Variants in PTPRN2 observed in about 807,000 individuals in gnomAD.
The protein encoded by PTPRN2 is receptor-type tyrosine-protein phosphatase N2.
Under a neutral mutation model 118.8 loss-of-function variants are expected in PTPRN2, and 74 were observed. The ratio of observed to expected loss-of-function variants is 0.62; its 90% CI spans 0.52 to 0.76. The LOEUF (loss-of-function observed/expected upper bound fraction) is 0.76, where lower values mean the gene tolerates loss of function less well. PTPRN2 is among the 30% of genes least tolerant of loss of function. PTPRN2 has a pLI of 0.00. For synonymous variants in PTPRN2, 641 were observed against 608.0 expected (o/e 1.05, Z -0.80); for missense variants, 1,481 against 1,394.4 (o/e 1.06, Z -0.99).
At chr7:158,215,686 A>G (rs570768787) in intron 3 of PTPRN2, among the ~76,000 whole-genome samples, 1 of 152,330 alleles carries the variant, frequency 6.6e-6, no homozygotes, top group African/African-American at 2.4e-5. Flanking sequence ...ATCAGAAACA[A>G]TGGAGGCCAC....
chr7:158,458,102 G>T (rs76569279), intron 2 of PTPRN2, among the ~76,000 whole-genome samples: 1 of 152,146 alleles, frequency 6.6e-6, no homozygotes, highest in African/African-American at 2.4e-5. Context: ...TCCATTATGC[G>T]TCCCTCAGTG....
At chr7:158,276,238 TCCCGGTCCTGGTAGCACCCCCACAC>T (rs1798961135) in intron 3 of PTPRN2, among the ~76,000 whole-genome samples, 1 of 22,762 alleles carries the variant, frequency 4.4e-5, no homozygotes, top group African/African-American at 1.1e-4. Flanking sequence ...CACCCCCACA[TCCCGGTCCTGGTAGCACCCCCACAC>T]TCTGGCCCCA....
rs1796535123 is a variant in PTPRN2, at chr7:157,673,914, A to G, written c.2001+8811T>C. 2.6e-5 allele frequency among the ~76,000 whole-genome samples: 4 copies of G among 151,622 alleles called. 1 individual carries two copies. In the South Asian group the frequency reaches 8.4e-4, roughly 32 times the overall value. ...TCCTTCACAAAGGCAGACTGGGCCG[A>G]CTCTGATGTAAGATCAAGTTCTCTG... On this transcript the variant is annotated intron_variant, in intron 13 of 22. Coordinates refer to ENST00000389418, the MANE Select transcript of PTPRN2 (RefSeq NM_002847.5).
intron 11 of PTPRN2, among the ~76,000 whole-genome samples, chr7:158,053,822 CCA>C (rs1052811405): frequency 6.7e-6 from 1 of 149,818 alleles, no homozygotes; most frequent in African/African-American, 2.5e-5. Flanking sequence ...GGCAGAGACC[CCA>C]GAGATGCAGA....
At chr7:157,565,014 A>G (rs1386576004) in intron 21 of PTPRN2, among the ~76,000 whole-genome samples, 3 of 152,276 alleles carry the variant, frequency 2.0e-5, no homozygotes, top group African/African-American at 7.2e-5. Flanking sequence ...GACACAGGCC[A>G]ACCTCGAAGG....
intron 12 of PTPRN2, among the ~76,000 whole-genome samples, chr7:157,718,358 C>T (rs1416475602): frequency 2.0e-5 from 3 of 152,246 alleles, no homozygotes; most frequent in African/African-American, 4.8e-5. Context: ...GCTCTTCAAG[C>T]ACGGACTTTC....
intron 12 of PTPRN2, among the ~76,000 whole-genome samples, chr7:157,824,201 C>G (rs956519737): frequency 6.6e-6 from 1 of 152,016 alleles, no homozygotes; most frequent in East Asian, 1.9e-4. Context: ...GTCCTCCTCC[C>G]AAGGCAGGGG....
At chr7:158,398,900 C>T (rs777619950) in intron 2 of PTPRN2, among the ~76,000 whole-genome samples, 2 of 152,228 alleles carry the variant, frequency 1.3e-5, no homozygotes, top group Non-Finnish European at 2.9e-5. Context: ...GTATTATGTG[C>T]TTACAATATT....
At chr7:157,767,744 G>A (rs1387830399) in intron 12 of PTPRN2, among the ~76,000 whole-genome samples, 1 of 151,872 alleles carries the variant, frequency 6.6e-6, no homozygotes, top group African/African-American at 2.4e-5. Flanking sequence ...GTGTGTGTGT[G>A]GAGGCGGTGG....
chr7:158,262,865 T>C (rs2150932847), intron 3 of PTPRN2, among the ~76,000 whole-genome samples: 1 of 120,280 alleles, frequency 8.3e-6, no homozygotes, highest in Admixed American at 8.7e-5. Flanking sequence ...TTCACACACA[T>C]TCACACACTG....
chr7:157,933,813 A>G lies in PTPRN2; in HGVS notation c.1724-35076T>C, dbSNP rs182181821. Among the ~76,000 whole-genome samples the G allele has an allele frequency of 3.0e-3, 395 of 132,392 alleles. 7 individuals carry two copies. Among genetic ancestry groups the G allele is most frequent in the African/African-American group, 9.4e-3 (372 of 39,526 alleles). 86.9% of individuals were successfully genotyped at this position (132,392 alleles called of 152,430 possible). ...GTGAGTCACTCTGATTGACAGCTTT[A>G]GAGGAAGGGTGAGTCACTCTGATTG... On this transcript the variant is annotated intron_variant, in intron 11 of 22. Transcript: ENST00000389418.
Position 157,964,190 on chromosome 7 carries a change from G to C in PTPRN2, c.1724-65453C>G, listed in dbSNP as rs1367566365. Among the ~76,000 whole-genome samples the C allele has an allele frequency of 6.6e-6, 1 of 152,112 alleles. No individual in the cohort carries two copies. The highest frequency in any genetic ancestry group is 2.4e-5 in the African/African-American group (1 of 41,432). On this transcript the variant is annotated intron_variant, in intron 11 of 22. Transcript: ENST00000389418. This position sits in a 1 kb window ranked among gnomAD's most constrained non-coding sequence, Gnocchi z 9.0. ...GCTGGGTGGGGTAGTGTTGAGTTCTGGTCCTGGTCCCACCGACCTGGGCTG... is the reference window on the plus strand; with the variant it reads ...GCTGGGTGGGGTAGTGTTGAGTTCTCGTCCTGGTCCCACCGACCTGGGCTG...
chr7:158,406,215 G>A (rs79212096), intron 2 of PTPRN2, among the ~76,000 whole-genome samples: 10 of 146,626 alleles, frequency 6.8e-5, no homozygotes, highest in South Asian at 6.8e-4. Flanking sequence ...TGGCTCATCC[G>A]TGAGACATTT....
At chr7:158,145,741 T>A (rs1819897481) in intron 6 of PTPRN2, among the ~76,000 whole-genome samples, 1 of 152,198 alleles carries the variant, frequency 6.6e-6, no homozygotes. Context: ...TCACATTTCT[T>A]TTTCCATCAT....
intron 21 of PTPRN2, among the ~76,000 whole-genome samples, chr7:157,557,320 A>G (rs998224405): frequency 1.3e-5 from 2 of 151,790 alleles, no homozygotes; most frequent in African/African-American, 4.8e-5. Context: ...ACTCTCACAC[A>G]ATACACCCCA....
chr7:157,559,774 C>A (rs1228683633), intron 21 of PTPRN2, among the ~76,000 whole-genome samples: 1 of 152,180 alleles, frequency 6.6e-6, no homozygotes, highest in Non-Finnish European at 1.5e-5. Context: ...ACTCAGGGAC[C>A]AGTGCTTCGG....
At position 158,587,662 on chromosome 7, in the gene PTPRN2, G is replaced by C; in HGVS notation, c.8C>G (p.Pro3Arg). The C allele has an allele frequency of 7.4e-7, 1 of 1,346,358 alleles. No individual in the cohort carries two copies. Among genetic ancestry groups the C allele is most frequent in the Non-Finnish European group, 9.5e-7 (1 of 1,051,438 alleles). 83.4% of individuals were successfully genotyped at this position (1,346,358 alleles called of 1,614,324 possible). ...TAGCAGCAGCAGCAGCGGGAGCGGCGGCCCCATCCCCGCGGCCTGGCCGGC... is the reference window on the plus strand; with the variant it reads ...TAGCAGCAGCAGCAGCGGGAGCGGCCGCCCCATCCCCGCGGCCTGGCCGGC... Reference protein sequence around the residue: MGPPLPLLLLLLL... With the variant: MGRPLPLLLLLLL... The change falls in exon 1 of 23, where the codon CCG (proline) becomes CGG (arginine). Residue 3 changes from proline (P) to arginine (R), a missense_variant. Coordinates refer to ENST00000389418, the MANE Select transcript of PTPRN2 (RefSeq NM_002847.5).
intron 12 of PTPRN2, among the ~76,000 whole-genome samples, chr7:157,822,975 G>A (rs1806944368): frequency 6.6e-6 from 1 of 151,430 alleles, no homozygotes; most frequent in African/African-American, 2.4e-5. Context: ...CCACTATCAA[G>A]CATTCATCCA....
rs144962055 is a variant in PTPRN2 at position 158,075,585 on chromosome 7, T to C, written c.1723+5713A>G. ...CCCCACCAGCACCACCGGCCCACGC[T>C]TCCCACGCCGCGCCCTCCACTTCTT... is the stretch of plus-strand genomic sequence containing the variant. On this transcript the variant is annotated intron_variant, in intron 11 of 22. Transcript: ENST00000389418. 3.2e-3 allele frequency among the ~76,000 whole-genome samples: 491 copies of C among 152,252 alleles called. 5 individuals carry two copies. Among genetic ancestry groups the C allele is most frequent in the African/African-American group, 0.011 (459 of 41,554 alleles).
Sources: allele counts gnomAD v4.1 joint callset (sites outside exome capture counted in the v4.1 genomes callset), GRCh38; gene constraint gnomAD v4.1.1; non-coding constraint Gnocchi (gnomAD v3.1); transcripts MANE v1.5; gene names NCBI Gene and HGNC (gene_info 2026-07-23, HGNC 2026-07-21).